Variants in TBX4 observed in about 807,000 individuals in gnomAD.
TBX4 encodes T-box transcription factor 4.
A neutral mutation model predicts 54.6 loss-of-function variants in TBX4; 13 were observed. That is an observed-to-expected ratio of 0.24 (90% CI 0.15 to 0.38). The LOEUF (loss-of-function observed/expected upper bound fraction) is 0.38. TBX4 is among the 10% of genes least tolerant of loss of function. TBX4 has a pLI of 1.00. For missense variants in TBX4, 631 were observed against 728.5 expected, an observed-to-expected ratio of 0.87 and a Z score of 1.54; for synonymous variants, 314 against 306.7, an observed-to-expected ratio of 1.02 and a Z score of -0.25.
At chr17:61,482,677 G>A (rs1165675449) in intron 8 of TBX4, among the ~76,000 whole-genome samples, 1 of 152,174 alleles carries the variant, frequency 6.6e-6, no homozygotes, top group Non-Finnish European at 1.5e-5. Context: ...GTGATGTGGT[G>A]TCCCCCGTGG....
rs2060618804 is a variant in TBX4 at position 61,476,185 on chromosome 17, T to C, written c.550-2442T>C. On this transcript the variant is annotated intron_variant, in intron 5 of 8. Transcript: ENST00000644296. This position sits in a 1 kb window ranked among gnomAD's most constrained non-coding sequence, Gnocchi z 6.5. ...GGGACAAGAAGAAATAGGAAGCCAC[T>C]AGGATGCAGAATGACAACCAGGTAG... Among the ~76,000 whole-genome samples the C allele has an allele frequency of 6.6e-6, 1 of 152,158 alleles. No homozygotes were observed. Among genetic ancestry groups the C allele is most frequent in the Non-Finnish European group, 1.5e-5 (1 of 68,024 alleles).
At position 61,462,358 on chromosome 17, in the gene TBX4, G is replaced by A. The variant is rs1045233750; in HGVS notation, c.282-3461G>A. Among the ~76,000 whole-genome samples, 1 of 152,174 alleles carries A rather than the reference G, an allele frequency of 6.6e-6. No individual in the cohort carries two copies. Among genetic ancestry groups the A allele is most frequent in the Non-Finnish European group, 1.5e-5 (1 of 68,018 alleles). On this transcript the variant is annotated intron_variant, in intron 3 of 8. Transcript: ENST00000644296. The surrounding 1 kb of genome is among the most constrained non-coding windows in gnomAD (Gnocchi z 4.5). ...CCGCGTGTGCCGTGGGGAGGGCGGG[G>A]GAGCCCCCATCTGTCTGGGGGCGCG...
chr17:61,481,111 A>C lies in TBX4; in HGVS notation c.1021+792A>C, dbSNP rs76193266. Reference sequence around the variant, plus strand: ...GCAGAGCTCCGAGATCCCCTGTACAAGTCTCATTAGAACTCAATGACCTAG... The same window carrying C: ...GCAGAGCTCCGAGATCCCCTGTACACGTCTCATTAGAACTCAATGACCTAG... On this transcript the variant is annotated intron_variant, in intron 8 of 8. Coordinates refer to ENST00000644296, the MANE Select transcript of TBX4 (RefSeq NM_001321120.2). The surrounding 1 kb of genome is among the most constrained non-coding windows in gnomAD (Gnocchi z 4.8). 6.6e-6 allele frequency among the ~76,000 whole-genome samples: 1 copy of C among 152,306 alleles called. No individual in the cohort carries two copies. Among genetic ancestry groups the C allele is most frequent in the East Asian group, 1.9e-4 (1 of 5,174 alleles).
Position 61,465,945 on chromosome 17 carries a change from G to C in TBX4, c.401+7G>C. 1 of 1,613,778 alleles carries C rather than the reference G, an allele frequency of 6.2e-7. No homozygotes were observed. Among genetic ancestry groups the C allele is most frequent in the Non-Finnish European group, 8.5e-7 (1 of 1,179,788 alleles). On this transcript the variant is annotated splice_region_variant and intron_variant, in intron 4 of 8. Transcript: ENST00000644296. The surrounding 1 kb of genome is among the most constrained non-coding windows in gnomAD (Gnocchi z 4.9). ...AGTTCTGTGACAACAAATGGTAAGT[G>C]GACCCTGACCGCATCACCCACGTTC...
chr17:61,456,634 G>C lies in TBX4; in HGVS notation c.144G>C (p.Pro48=). The change falls in exon 2 of 9, where the codon CCG becomes CCC. Residue 48 remains proline, a synonymous_variant. Transcript: ENST00000644296. ...GLSGAALGSP[P]GPGADVVAAA... is the part of the protein sequence containing the mutation. ...GCGGAGCCGCGCTAGGCAGCCCCCC[G>C]GGACCCGGGGCCGACGTCGTCGCCG... 7.4e-7 allele frequency: 1 copy of C among 1,360,146 alleles called. No individual in the cohort carries two copies. The highest frequency in any genetic ancestry group is 9.5e-7 in the Non-Finnish European group (1 of 1,056,258). The allele number at this position is 1,360,146 out of a possible 1,614,324, so 84.3% of individuals were successfully genotyped here. A position where few individuals can be genotyped will look rare whatever the true frequency, so the allele number is the denominator to read the frequency against.
At chr17:61,470,342 C>T (rs1305607159) in intron 5 of TBX4, among the ~76,000 whole-genome samples, 1 of 152,154 alleles carries the variant, frequency 6.6e-6, no homozygotes, top group East Asian at 1.9e-4. Context: ...TCCGGGTTTT[C>T]CTATCATTCA....
At chr17:61,458,052 T>A (rs895695115) in intron 3 of TBX4, among the ~76,000 whole-genome samples, 7 of 152,012 alleles carry the variant, frequency 4.6e-5, no homozygotes, top group Admixed American at 2.0e-4. Flanking sequence ...CTGTTCAGTT[T>A]TCATACATTT....
At position 61,479,757 on chromosome 17, in the gene TBX4, G is replaced by C; in HGVS notation, c.703-124G>C. The C allele has an allele frequency of 1.0e-6, 1 of 993,030 alleles. No individual in the cohort carries two copies. Among genetic ancestry groups the C allele is most frequent in the Non-Finnish European group, 1.6e-6 (1 of 624,816 alleles). 61.5% of individuals were successfully genotyped at this position (993,030 alleles called of 1,614,324 possible). A position where few individuals can be genotyped will look rare whatever the true frequency, so the allele number is the denominator to read the frequency against. ...CTCCCCAAGGAGGGTAGTGAGAAGC[G>C]GTGAGGCTGGAGAGCGACCCCTGAG... On this transcript the variant is annotated intron_variant, in intron 6 of 8. Transcript: ENST00000644296. The surrounding 1 kb of genome is among the most constrained non-coding windows in gnomAD (Gnocchi z 6.1).
Position 61,475,182 on chromosome 17 carries a change from G to A in TBX4, c.550-3445G>A, listed in dbSNP as rs549464014. On this transcript the variant is annotated intron_variant, in intron 5 of 8. Coordinates refer to ENST00000644296, the MANE Select transcript of TBX4 (RefSeq NM_001321120.2). This position sits in a 1 kb window ranked among gnomAD's most constrained non-coding sequence, Gnocchi z 5.0. ...GTGAGCCTGGCTGGTTCCCTGCCTC[G>A]GAAGATGTGTTGGGCACTCTCTCCA... is the stretch of plus-strand genomic sequence containing the variant. 1.5e-4 allele frequency among the ~76,000 whole-genome samples: 23 copies of A among 152,296 alleles called. No homozygotes were observed. The highest frequency in any genetic ancestry group is 8.3e-4 in the South Asian group (4 of 4,808).
In TBX4 at chr17:61,457,832, TG is replaced by T. The variant is rs2060464821; in HGVS notation, c.281+202del. Among the ~76,000 whole-genome samples the T allele has an allele frequency of 1.3e-5, 2 of 152,170 alleles. No homozygotes were observed. The highest frequency in any genetic ancestry group is 4.1e-4 in the South Asian group (2 of 4,834). Reference sequence around the variant, plus strand: ...GGGGCCACCGCAGCCGCGCGGGCCTTGCGGGAAAGACCGAGGGGAGGGGCAG... The same window carrying T: ...GGGGCCACCGCAGCCGCGCGGGCCTTCGGGAAAGACCGAGGGGAGGGGCAG... On this transcript the variant is annotated intron_variant, in intron 3 of 8. Coordinates refer to ENST00000644296, the MANE Select transcript of TBX4 (RefSeq NM_001321120.2). The surrounding 1 kb of genome is among the most constrained non-coding windows in gnomAD (Gnocchi z 8.2).
intron 5 of TBX4, among the ~76,000 whole-genome samples, chr17:61,469,629 C>G (rs1271091276): frequency 2.6e-5 from 4 of 152,212 alleles, no homozygotes; most frequent in African/African-American, 9.6e-5. Context: ...GGTCCAGTGT[C>G]TCTGGGCTTC....
rs922337226 is a variant in TBX4, at chr17:61,474,279, C to T, written c.550-4348C>T. ...TCTGTGTTCTGTAGGGCCTGCTGACCCAAGTCCCTTACAGTGTTTAATTGG... is the reference window on the plus strand; with the variant it reads ...TCTGTGTTCTGTAGGGCCTGCTGACTCAAGTCCCTTACAGTGTTTAATTGG... On this transcript the variant is annotated intron_variant, in intron 5 of 8. Coordinates refer to ENST00000644296, the MANE Select transcript of TBX4 (RefSeq NM_001321120.2). This position sits in a 1 kb window ranked among gnomAD's most constrained non-coding sequence, Gnocchi z 4.6. 6.6e-6 allele frequency among the ~76,000 whole-genome samples: 1 copy of T among 152,262 alleles called. No homozygotes were observed.
At chr17:61,473,391 C>T (rs372054290) in intron 5 of TBX4, among the ~76,000 whole-genome samples, 32 of 152,330 alleles carry the variant, frequency 2.1e-4, no homozygotes, top group African/African-American at 3.4e-4. Flanking sequence ...GGCAAGCCAG[C>T]GGGTGCTGGT....
rs774311034 is a variant in TBX4, at chr17:61,459,440, G to T, written c.281+1809G>T. Among the ~76,000 whole-genome samples, 3 of 152,238 alleles carry T rather than the reference G, an allele frequency of 2.0e-5. No homozygotes were observed. The highest frequency in any genetic ancestry group is 2.9e-5 in the Non-Finnish European group (2 of 68,050). On this transcript the variant is annotated intron_variant, in intron 3 of 8. Coordinates refer to ENST00000644296, the MANE Select transcript of TBX4 (RefSeq NM_001321120.2). The surrounding 1 kb of genome is among the most constrained non-coding windows in gnomAD (Gnocchi z 4.8). The stretch of plus-strand genomic sequence containing the variant: ...TGGAAAGAAGGTAAGAAAGAGAAAG[G>T]TTCAGAACTGCCATTTTTAGGCAGC...
At chr17:61,469,222 C>T (rs753039124) in intron 5 of TBX4, among the ~76,000 whole-genome samples, 6 of 152,184 alleles carry the variant, frequency 3.9e-5, no homozygotes, top group South Asian at 4.1e-4. Flanking sequence ...TGGAAAGCTG[C>T]GCCTTCTTTA....
chr17:61,480,175 C>G lies in TBX4; in HGVS notation c.877C>G (p.Leu293Val). The G allele has an allele frequency of 6.2e-7, 1 of 1,614,144 alleles. No individual in the cohort carries two copies. The highest frequency in any genetic ancestry group is 8.5e-7 in the Non-Finnish European group (1 of 1,180,026). The change falls in exon 8 of 9, where the codon CTG becomes GTG. Residue 293 changes from leucine (L) to valine (V), a missense_variant. Physicochemically the swap from Leu to Val is conservative, Grantham distance 32 (BLOSUM62 1). Around this residue, in one of 3 missense-constraint regions of TBX4, gnomAD observed 354 missense variants for 368.9 expected, o/e 0.96. Transcript: ENST00000644296. This position sits in a 1 kb window ranked among gnomAD's most constrained non-coding sequence, Gnocchi z 6.2. ...CTCAGCCACACCGGACGTGGGCCCC[C>G]TGCTCGGCACCCACCAGGCACTCCA... ...QLSATPDVGP[L>V]LGTHQALQHY...
intron 5 of TBX4, 71 bp downstream of exon 5, chr17:61,467,728 G>C: frequency 6.3e-7 from 1 of 1,592,438 alleles, no homozygotes; most frequent in Non-Finnish European, 8.6e-7. Flanking sequence ...AGGCCAGGAT[G>C]GGGATAGGGA....
chr17:61,462,678 G>A lies in TBX4; in HGVS notation c.282-3141G>A, dbSNP rs951875663. ...GGCAGGGCCTGCGTGGACACAGGCG[G>A]CACACACAGTGTCTTCCTTCTTGGT... On this transcript the variant is annotated intron_variant, in intron 3 of 8. Transcript: ENST00000644296. This position sits in a 1 kb window ranked among gnomAD's most constrained non-coding sequence, Gnocchi z 4.5. Among the ~76,000 whole-genome samples, 4 of 152,184 alleles carry A rather than the reference G, an allele frequency of 2.6e-5. No homozygotes were observed. The highest frequency in any genetic ancestry group is 2.6e-4 in the Admixed American group (4 of 15,288).
intron 1 of TBX4, among the ~76,000 whole-genome samples, chr17:61,455,987 CCT>C (rs1467488336): frequency 6.6e-6 from 1 of 152,124 alleles, no homozygotes; most frequent in South Asian, 2.1e-4. Context: ...GTCCTGAGGC[CCT>C]CTCTGCACAC....
Sources: allele counts gnomAD v4.1 joint callset (sites outside exome capture counted in the v4.1 genomes callset), GRCh38; gene constraint gnomAD v4.1.1; regional missense constraint gnomAD v4.1.1; non-coding constraint Gnocchi (gnomAD v3.1); transcripts MANE v1.5; gene names NCBI Gene and HGNC (gene_info 2026-07-23, HGNC 2026-07-21).